MBD5: variants seen among roughly 807,000 people sequenced by gnomAD.
The protein encoded by MBD5 is methyl-CpG binding domain protein 5.
Under a neutral mutation model 117.3 loss-of-function variants are expected in MBD5, and 13 were observed. The ratio of observed to expected loss-of-function variants is 0.11; its 90% CI spans 0.07 to 0.18. The LOEUF is 0.18. Ranked by LOEUF, MBD5 falls within the 10% of genes least tolerant of loss-of-function variation. MBD5 has a pLI of 1.00. For missense variants in MBD5, 1,879 were observed against 2,093.8 expected (o/e 0.90, Z 2.00); for synonymous variants, 727 against 766.4 (o/e 0.95, Z 0.85).
At chr2:148,236,078 T>A (rs1437030486) in intron 3 of MBD5, among the ~76,000 whole-genome samples, 1 of 152,066 alleles carries the variant, frequency 6.6e-6, no homozygotes, top group African/African-American at 2.4e-5. Context: ...GGATTACAGG[T>A]ATAAGCCACC....
chr2:148,025,811 A>T (rs1255461455), intron 1 of MBD5: 3 of 152,182 alleles, frequency 2.0e-5, no homozygotes, highest in Non-Finnish European at 4.4e-5. Context: ...CAAAATCCTC[A>T]TAAGAAACTT....
At chr2:148,040,679 G>A (rs139000574) in intron 1 of MBD5, among the ~76,000 whole-genome samples, 1,538 of 152,134 alleles carry the variant, frequency 0.01, 6 homozygotes, top group Non-Finnish European at 0.014. Context: ...TATCATATAT[G>A]TGTATCCATT....
chr2:148,498,006 A>G (rs1186957640), intron 11 of MBD5, among the ~76,000 whole-genome samples: 1 of 152,098 alleles, frequency 6.6e-6, no homozygotes, highest in African/African-American at 2.4e-5. Context: ...TGGCATCCCA[A>G]AGAATACAAA....
At chr2:148,108,003 G>A (rs1696412424) in intron 1 of MBD5, among the ~76,000 whole-genome samples, 1 of 151,996 alleles carries the variant, frequency 6.6e-6, no homozygotes, top group Admixed American at 6.6e-5. Context: ...TGAGTAGTGA[G>A]GATTCAAACT....
intron 3 of MBD5, among the ~76,000 whole-genome samples, chr2:148,261,411 T>C (rs1345949165): frequency 6.6e-6 from 1 of 152,240 alleles, no homozygotes; most frequent in East Asian, 1.9e-4. Flanking sequence ...CAGAACTTAC[T>C]GCTTCACTTC....
intron 2 of MBD5, among the ~76,000 whole-genome samples, chr2:148,230,110 G>GC (rs1242390978): frequency 4.6e-5 from 7 of 152,204 alleles, no homozygotes; most frequent in African/African-American, 9.6e-5. Flanking sequence ...GACAAAGCCA[G>GC]CCAGGCCTGT....
At chr2:148,337,270 GT>G (rs998036160) in intron 3 of MBD5, among the ~76,000 whole-genome samples, 3 of 151,792 alleles carry the variant, frequency 2.0e-5, no homozygotes, top group Admixed American at 2.0e-4. Context: ...GGTACTCTAG[GT>G]TTTTAGTGGT....
intron 1 of MBD5, among the ~76,000 whole-genome samples, chr2:148,056,861 G>T (rs4972322): frequency 0.42 from 63,682 of 151,346 alleles, 13,565 homozygotes; most frequent in Middle Eastern, 0.55. Flanking sequence ...GTTGCTTTTT[G>T]TGTGTGTGAG....
At chr2:148,498,019 AC>A (rs1681754989) in intron 11 of MBD5, among the ~76,000 whole-genome samples, 1 of 152,164 alleles carries the variant, frequency 6.6e-6, no homozygotes, top group Admixed American at 6.5e-5. Context: ...AATACAAATC[AC>A]AGGTAGTTAA....
At chr2:148,336,356 CT>C (rs759142809) in intron 3 of MBD5, among the ~76,000 whole-genome samples, 8 of 152,080 alleles carry the variant, frequency 5.3e-5, no homozygotes, top group Non-Finnish European at 1.2e-4. Flanking sequence ...GATTCTACCC[CT>C]ATCTCCTATT....
chr2:148,090,202 GCAA>G (rs1186591312), intron 1 of MBD5, among the ~76,000 whole-genome samples: 1 of 151,438 alleles, frequency 6.6e-6, no homozygotes, highest in Non-Finnish European at 1.5e-5. Flanking sequence ...TTAAAAATTG[GCAA>G]CAACAACAAA....
rs1470927292 is a variant in MBD5, at chr2:148,051,645, GTGT to G, written c.-925+29965_-925+29967del. Among the ~76,000 whole-genome samples the G allele has an allele frequency of 2.1e-5, 3 of 144,724 alleles. No individual in the cohort carries two copies. In the East Asian group the frequency reaches 5.9e-4, roughly 28 times the overall value. 94.9% of individuals were successfully genotyped at this position (144,724 alleles called of 152,430 possible). ...TGTGTGTGTGTGTGTGTGTGTGTGT[GTGT>G]TGTCATGAAAGGATGTTATATTTTG... On this transcript the variant is annotated intron_variant, in intron 1 of 13. Transcript: ENST00000642680.
intron 4 of MBD5, among the ~76,000 whole-genome samples, chr2:148,438,702 T>C (rs1483624195): frequency 6.6e-6 from 1 of 152,176 alleles, no homozygotes; most frequent in Non-Finnish European, 1.5e-5. Flanking sequence ...ATCTGCAAGC[T>C]GGAGATCCTG....
At chr2:148,030,885 G>A (rs1694020460) in intron 1 of MBD5, among the ~76,000 whole-genome samples, 2 of 152,146 alleles carry the variant, frequency 1.3e-5, no homozygotes, top group Admixed American at 1.3e-4. Context: ...AATAAAGTCT[G>A]TCAGACTTAT....
At chr2:148,301,271 T>A (rs1009180260) in intron 3 of MBD5, among the ~76,000 whole-genome samples, 9 of 152,144 alleles carry the variant, frequency 5.9e-5, no homozygotes, top group Non-Finnish European at 1.3e-4. Flanking sequence ...TACCAGGGAC[T>A]AAAGGGACAG....
chr2:148,470,138 G>A lies in MBD5; in HGVS notation c.2195G>A (p.Cys732Tyr). 1.9e-6 allele frequency: 3 copies of A among 1,613,840 alleles called. No homozygotes were observed. The highest frequency in any genetic ancestry group is 2.5e-6 in the Non-Finnish European group (3 of 1,179,886). ...GCGASNTALP[C>Y]SANQLHFTDP... ...GGGGCCTCAAATACTGCTTTGCCTT[G>A]CTCTGCTAACCAGCTGCATTTTACA... Residue 732 changes from cysteine (C) to tyrosine (Y), a missense_variant, in exon 8 of 14, where the codon TGC becomes TAC. Physicochemically the swap from Cys to Tyr is radical, Grantham distance 194 (BLOSUM62 -2). Around this residue, in one of 4 missense-constraint regions of MBD5, gnomAD observed 1,666 missense variants for 1,792.2 expected, o/e 0.93. Coordinates refer to ENST00000642680, the MANE Select transcript of MBD5 (RefSeq NM_001378120.1).
At chr2:148,512,805 A>G (rs755317054) in intron 13 of MBD5, 65 bp from the exon 14 acceptor site, 37 of 1,460,678 alleles carry the variant, frequency 2.5e-5, no homozygotes, top group Non-Finnish European at 3.5e-5. Context: ...TTTGTCAGAA[A>G]TTTTATGGTG....
intron 12 of MBD5, among the ~76,000 whole-genome samples, chr2:148,503,362 G>A (rs969196953): frequency 6.6e-5 from 10 of 151,984 alleles, no homozygotes; most frequent in South Asian, 2.1e-4. Flanking sequence ...ATGTATTGTC[G>A]TCTTTCTAAA....
chr2:148,335,141 C>A (rs577457364), intron 3 of MBD5, among the ~76,000 whole-genome samples: 1 of 152,130 alleles, frequency 6.6e-6, no homozygotes, highest in Admixed American at 6.5e-5. Context: ...GTAATCCTAG[C>A]ACTTTGATAG....
Sources: allele counts gnomAD v4.1 joint callset (sites outside exome capture counted in the v4.1 genomes callset), GRCh38; gene constraint gnomAD v4.1.1; regional missense constraint gnomAD v4.1.1; transcripts MANE v1.5; gene names NCBI Gene and HGNC (gene_info 2026-07-23, HGNC 2026-07-21).